The following CCPG1 variants were observed in gnomAD, a reference collection of about 807,000 sequenced individuals.
CCPG1 encodes cell cycle progression protein 1.
Under a neutral mutation model 81.3 loss-of-function variants are expected in CCPG1, and 46 were observed. The observed-to-expected ratio is 0.57, with a 90% CI of 0.45 to 0.72. The LOEUF is 0.72. Ranked by LOEUF, CCPG1 falls within the 30% of genes least tolerant of loss-of-function variation. The pLI is 0.00. For missense variants in CCPG1, 902 were observed against 937.6 expected, an observed-to-expected ratio of 0.96 and a Z score of 0.50; for synonymous variants, 330 against 305.2, an observed-to-expected ratio of 1.08 and a Z score of -0.85.
intron 5 of CCPG1, chr15:55,372,437 G>C (rs962500049): frequency 9.1e-6 from 2 of 219,494 alleles, no homozygotes; most frequent in South Asian, 6.3e-5. Flanking sequence ...GAGGCGGGCA[G>C]ATCACCTGAG....
intron 2 of CCPG1, among the ~76,000 whole-genome samples, chr15:55,388,321 G>T (rs2056844957): frequency 6.6e-6 from 1 of 151,968 alleles, no homozygotes; most frequent in South Asian, 2.1e-4. Context: ...TATATTACTG[G>T]TATGAAAAAA....
chr15:55,380,195 A>G (rs1259060759), intron 3 of CCPG1, among the ~76,000 whole-genome samples: 3 of 151,936 alleles, frequency 2.0e-5, no homozygotes, highest in Non-Finnish European at 2.9e-5. Context: ...AAATATCAAC[A>G]GTAATTATTT....
chr15:55,404,735 G>T (rs1005879376), intron 1 of CCPG1, among the ~76,000 whole-genome samples: 9 of 152,072 alleles, frequency 5.9e-5, no homozygotes, highest in African/African-American at 2.2e-4. Flanking sequence ...AGTTCAAAGA[G>T]ACCAGCCTGG....
intron 2 of CCPG1, 37 bp downstream of exon 2, chr15:55,389,327 AT>A: frequency 7.2e-7 from 1 of 1,381,332 alleles, no homozygotes; most frequent in Non-Finnish European, 1.0e-6. Context: ...TAACATTAAT[AT>A]TACAAATTAC....
chr15:55,370,690 G>T (rs2056428317), intron 6 of CCPG1, among the ~76,000 whole-genome samples: 1 of 151,494 alleles, frequency 6.6e-6, no homozygotes, highest in Non-Finnish European at 1.5e-5. Context: ...GCCTGGCCAA[G>T]ATGGTGAAAC....
At chr15:55,407,784 T>G (rs1462791011) in intron 1 of CCPG1, 1 of 152,222 alleles carries the variant, frequency 6.6e-6, no homozygotes, top group African/African-American at 2.4e-5. Flanking sequence ...TCACGGGGGC[T>G]CAAATGTCAT....
chr15:55,380,492 T>TAA (rs2056663728), intron 3 of CCPG1, among the ~76,000 whole-genome samples: 2 of 151,572 alleles, frequency 1.3e-5, no homozygotes, highest in African/African-American at 2.4e-5. Context: ...AGACGGGGTT[T>TAA]CACCGTGTTA....
At chr15:55,404,299 G>A (rs1483195199) in intron 1 of CCPG1, among the ~76,000 whole-genome samples, 1 of 152,034 alleles carries the variant, frequency 6.6e-6, no homozygotes, top group Non-Finnish European at 1.5e-5. Context: ...TGGACACTTG[G>A]TGTTAAGGTA....
chr15:55,370,285 C>T (rs1312138405), intron 6 of CCPG1, among the ~76,000 whole-genome samples: 2 of 152,048 alleles, frequency 1.3e-5, no homozygotes, highest in Admixed American at 6.6e-5. Flanking sequence ...ATACATTTTT[C>T]GAATGAACTA....
At chr15:55,381,296 T>A (rs571715089) in intron 3 of CCPG1, among the ~76,000 whole-genome samples, 1 of 135,194 alleles carries the variant, frequency 7.4e-6, no homozygotes. Flanking sequence ...AAAAAAAAAA[T>A]AGCTGGGCAT....
intron 4 of CCPG1, among the ~76,000 whole-genome samples, chr15:55,377,849 T>C (rs593556): frequency 0.53 from 81,166 of 152,004 alleles, 22,722 homozygotes; most frequent in African/African-American, 0.69. Context: ...GCCTCTATAA[T>C]TGTGAGAAAT....
At chr15:55,357,440 T>C in intron 8 of CCPG1, 1 of 985,460 alleles carries the variant, frequency 1.0e-6, no homozygotes, top group South Asian at 4.7e-5. Context: ...TCCTCTAGGC[T>C]GCTACCAATA....
At chr15:55,373,159 C>A (rs898743680) in intron 5 of CCPG1, 1 of 408,836 alleles carries the variant, frequency 2.4e-6, no homozygotes, top group Non-Finnish European at 4.8e-6. Flanking sequence ...TGGAAAAAAT[C>A]ACCTTCAGTT....
intron 1 of CCPG1, among the ~76,000 whole-genome samples, chr15:55,396,784 T>C (rs1488078263): frequency 6.6e-6 from 1 of 152,320 alleles, no homozygotes; most frequent in South Asian, 2.1e-4. Flanking sequence ...GGCACCATTA[T>C]ATACAGTTAA....
At chr15:55,384,903 A>C (rs2056769408) in intron 3 of CCPG1, among the ~76,000 whole-genome samples, 1 of 152,236 alleles carries the variant, frequency 6.6e-6, no homozygotes, top group Non-Finnish European at 1.5e-5. Context: ...ACAGGTTAGT[A>C]AATCTCTTGT....
At chr15:55,385,825 T>G (rs2141303723) in intron 2 of CCPG1, 111 bp from the exon 3 acceptor site, 3 of 692,646 alleles carry the variant, frequency 4.3e-6, no homozygotes, top group Non-Finnish European at 7.9e-6. Context: ...GCTGCCATAC[T>G]CCAAAGGAAC....
At chr15:55,357,239 CA>C in intron 8 of CCPG1, 4 of 833,648 alleles carry the variant, frequency 4.8e-6, no homozygotes, top group Non-Finnish European at 5.5e-6. Context: ...TACTATCCAA[CA>C]AGATGACCCA....
Position 55,365,208 on chromosome 15 carries a change from C to T in CCPG1, c.808G>A (p.Glu270Lys). 6.8e-7 allele frequency: 1 copy of T among 1,463,950 alleles called. No individual in the cohort carries two copies. The highest frequency in any genetic ancestry group is 9.4e-7 in the Non-Finnish European group (1 of 1,058,240). The allele number at this position is 1,463,950 out of a possible 1,614,324, so 90.7% of individuals were successfully genotyped here. The change falls in exon 7 of 9, where the codon GAA becomes AAA. Residue 270 changes from glutamate to lysine, a missense_variant. By Grantham distance (56) the Glu-to-Lys change is moderately conservative (BLOSUM62 1). This residue lies in a region of CCPG1 where 746 missense variants were observed against 728.6 expected (regional missense o/e 1.02). Coordinates refer to ENST00000442196, the MANE Select transcript of CCPG1 (RefSeq NM_001204450.2). ...CATACCTTATAATCTATAAAAGATTCTTGTTCCTGTTGACACTGGGAAAGA... is the reference window on the plus strand; with the variant it reads ...CATACCTTATAATCTATAAAAGATTTTTGTTCCTGTTGACACTGGGAAAGA... ...DYLSQCQQEQ[E>K]SFIDYKSLKE...
chr15:55,402,752 G>A (rs776264880), intron 1 of CCPG1, among the ~76,000 whole-genome samples: 97 of 152,112 alleles, frequency 6.4e-4, no homozygotes, highest in Non-Finnish European at 7.8e-4. Flanking sequence ...TAGTCTCATT[G>A]TTCATGAAAT....
Sources: gnomAD v4.1 joint callset for allele counts (sites outside exome capture counted in the v4.1 genomes callset) on GRCh38, gnomAD v4.1.1 for gene constraint, gnomAD v4.1.1 regional missense constraint, MANE v1.5 for transcripts, NCBI Gene and HGNC (gene_info 2026-07-23, HGNC 2026-07-21) for gene names.